DEPDC1B: variants seen among roughly 807,000 people sequenced by gnomAD.
DEPDC1B encodes the protein DEP domain-containing protein 1B.
Under a neutral mutation model 66.5 loss-of-function variants are expected in DEPDC1B, and 51 were observed. The observed-to-expected ratio is 0.77, with a 90% CI of 0.61 to 0.97. The LOEUF (loss-of-function observed/expected upper bound fraction) is 0.97, where lower values mean the gene tolerates loss of function less well. DEPDC1B is among the 50% of genes least tolerant of loss of function. The probability of loss-of-function intolerance (pLI) is 0.00; values close to 1 mark genes in which losing one functional copy is unlikely to be tolerated. For missense variants in DEPDC1B, 552 were observed against 637.1 expected (o/e 0.87, Z 1.44); for synonymous variants, 226 against 223.6 (o/e 1.01, Z -0.10).
At chr5:60,624,941 T>G (rs1246580803) in intron 7 of DEPDC1B, among the ~76,000 whole-genome samples, 1 of 149,470 alleles carries the variant, frequency 6.7e-6, no homozygotes, top group East Asian at 2.0e-4. Context: ...TTCCCTGCCT[T>G]GTGTCCATGT....
At chr5:60,617,726 CCA>C in intron 7 of DEPDC1B, among the ~76,000 whole-genome samples, 1 of 152,136 alleles carries the variant, frequency 6.6e-6, no homozygotes, top group African/African-American at 2.4e-5. Flanking sequence ...TTAGACAGAT[CCA>C]CATGACAGAA....
intron 2 of DEPDC1B, among the ~76,000 whole-genome samples, chr5:60,665,230 A>G (rs1425736761): frequency 1.3e-5 from 2 of 152,182 alleles, no homozygotes; most frequent in Non-Finnish European, 2.9e-5. Flanking sequence ...CAGCTAACCA[A>G]TGAAAATTAC....
At chr5:60,626,787 T>C (rs1207184439) in intron 7 of DEPDC1B, among the ~76,000 whole-genome samples, 1 of 152,136 alleles carries the variant, frequency 6.6e-6, no homozygotes, top group African/African-American at 2.4e-5. Context: ...TAGGGAATAC[T>C]GAGTTTGAGC....
At chr5:60,644,505 C>G (rs1753263409) in intron 5 of DEPDC1B, among the ~76,000 whole-genome samples, 1 of 152,148 alleles carries the variant, frequency 6.6e-6, no homozygotes, top group African/African-American at 2.4e-5. Context: ...ACTTAATGCC[C>G]AAGGTGGCTA....
intron 2 of DEPDC1B, among the ~76,000 whole-genome samples, chr5:60,664,681 G>A (rs1160075833): frequency 6.6e-6 from 1 of 152,198 alleles, no homozygotes; most frequent in African/African-American, 2.4e-5. Flanking sequence ...AAAAGGCGGA[G>A]TATGCAGTGG....
chr5:60,620,723 A>T (rs1246811070), intron 7 of DEPDC1B, among the ~76,000 whole-genome samples: 1 of 152,216 alleles, frequency 6.6e-6, no homozygotes, highest in South Asian at 2.1e-4. Context: ...ATTGTGGAAG[A>T]CAGTGTGGCG....
chr5:60,653,876 T>G (rs1170392002), intron 2 of DEPDC1B, among the ~76,000 whole-genome samples: 1 of 112,600 alleles, frequency 8.9e-6, no homozygotes, highest in Non-Finnish European at 1.7e-5. Flanking sequence ...TTTCCCCACT[T>G]TATGTTTTTC....
chr5:60,673,822 C>T (rs543093512), intron 2 of DEPDC1B, among the ~76,000 whole-genome samples: 47 of 152,296 alleles, frequency 3.1e-4, no homozygotes, highest in African/African-American at 1.1e-3. Flanking sequence ...TGTTCAATCC[C>T]TGTTCTCTCC....
intron 2 of DEPDC1B, among the ~76,000 whole-genome samples, chr5:60,680,122 A>G (rs558945707): frequency 4.6e-5 from 7 of 152,332 alleles, no homozygotes; most frequent in East Asian, 1.9e-4. Context: ...GTATAATTCA[A>G]TCTCCTCATC....
intron 2 of DEPDC1B, among the ~76,000 whole-genome samples, chr5:60,658,018 T>C (rs1753617729): frequency 6.6e-6 from 1 of 152,196 alleles, no homozygotes; most frequent in East Asian, 1.9e-4. Flanking sequence ...CTTTATTGGA[T>C]TGGGTTAATT....
intron 2 of DEPDC1B, among the ~76,000 whole-genome samples, chr5:60,665,808 C>T (rs572785262): frequency 3.5e-4 from 53 of 152,186 alleles, no homozygotes; most frequent in Non-Finnish European, 7.3e-4. Flanking sequence ...ACTCAGCTCA[C>T]ACCCAACTAA....
At chr5:60,646,526 G>T (rs1244278911) in intron 3 of DEPDC1B, among the ~76,000 whole-genome samples, 1 of 152,170 alleles carries the variant, frequency 6.6e-6, no homozygotes, top group East Asian at 1.9e-4. Flanking sequence ...GTATTTATGG[G>T]TTCTGCATCT....
chr5:60,670,828 G>A (rs758776974), intron 2 of DEPDC1B, among the ~76,000 whole-genome samples: 1 of 152,184 alleles, frequency 6.6e-6, no homozygotes, highest in Middle Eastern at 3.2e-3. Flanking sequence ...CTTGACAGGG[G>A]ACATAGTAAG....
intron 7 of DEPDC1B, chr5:60,631,014 G>T: frequency 6.4e-6 from 1 of 155,098 alleles, no homozygotes. Context: ...GTCTTCAGTG[G>T]TCCAGAAGAT....
chr5:60,617,600 T>G (rs1051482750), intron 7 of DEPDC1B, among the ~76,000 whole-genome samples: 6 of 152,198 alleles, frequency 3.9e-5, no homozygotes, highest in African/African-American at 1.4e-4. Context: ...ATCCTAAATA[T>G]ATATGCACCC....
intron 1 of DEPDC1B, among the ~76,000 whole-genome samples, chr5:60,697,477 G>T (rs1256314614): frequency 2.0e-5 from 3 of 152,100 alleles, no homozygotes; most frequent in Non-Finnish European, 4.4e-5. Flanking sequence ...AGGCCAACTA[G>T]GTCCAACAAG....
intron 2 of DEPDC1B, among the ~76,000 whole-genome samples, chr5:60,657,259 T>A (rs1004781610): frequency 6.6e-6 from 1 of 152,244 alleles, no homozygotes; most frequent in African/African-American, 2.4e-5. Context: ...ACATTCTGTA[T>A]CTTTTAAGTG....
intron 2 of DEPDC1B, among the ~76,000 whole-genome samples, chr5:60,675,026 G>A (rs1232549151): frequency 6.6e-6 from 1 of 152,132 alleles, no homozygotes; most frequent in Non-Finnish European, 1.5e-5. Flanking sequence ...TCTGTCACAG[G>A]AGGATTCTAA....
At chr5:60,679,815 A>G (rs1183272379) in intron 2 of DEPDC1B, among the ~76,000 whole-genome samples, 1 of 152,220 alleles carries the variant, frequency 6.6e-6, no homozygotes, top group African/African-American at 2.4e-5. Context: ...AATCCAAAAC[A>G]ATTATCATAA....
Sources: allele counts gnomAD v4.1 joint callset (sites outside exome capture counted in the v4.1 genomes callset), GRCh38; gene constraint gnomAD v4.1.1; transcripts MANE v1.5; gene names NCBI Gene and HGNC (gene_info 2026-07-23, HGNC 2026-07-21).